Variants in SASH1 observed in about 807,000 individuals in gnomAD.
The protein encoded by SASH1 is SAM and SH3 domain-containing protein 1.
Under a neutral mutation model 125.2 loss-of-function variants are expected in SASH1, and 44 were observed. The observed-to-expected ratio is 0.35, with a 90% CI of 0.28 to 0.45. The LOEUF (loss-of-function observed/expected upper bound fraction) is 0.45. Among genes scored for constraint, SASH1 ranks in the 20% least tolerant of loss-of-function variants. The pLI is 1.00. For missense variants in SASH1, 1,426 were observed against 1,614.5 expected (o/e 0.88, Z 2.00); for synonymous variants, 639 against 649.1 (o/e 0.98, Z 0.24).
the SASH1 span, among the ~76,000 whole-genome samples, chr6:148,227,673 T>C: frequency 6.6e-6 from 1 of 152,168 alleles, no homozygotes. Flanking sequence ...GAAATATTTA[T>C]TGAATAAATG....
chr6:148,266,193 C>T, the SASH1 span, among the ~76,000 whole-genome samples: 2 of 152,108 alleles, frequency 1.3e-5, no homozygotes, highest in South Asian at 2.1e-4. Context: ...AGGCTGGTCT[C>T]GAACTCCTGA....
intron 7 of SASH1, among the ~76,000 whole-genome samples, chr6:148,477,944 G>A (rs374626035): frequency 1.3e-5 from 2 of 151,998 alleles, no homozygotes; most frequent in African/African-American, 4.8e-5. Context: ...TGATCCACCC[G>A]CCTCGGCCTC....
chr6:148,522,604 T>A (rs1780888671), intron 10 of SASH1, among the ~76,000 whole-genome samples: 2 of 152,250 alleles, frequency 1.3e-5, no homozygotes, highest in Admixed American at 1.3e-4. Flanking sequence ...CAGACATGCA[T>A]GACATTTTGC....
At chr6:148,492,403 G>A (rs764900581) in intron 8 of SASH1, among the ~76,000 whole-genome samples, 1 of 152,272 alleles carries the variant, frequency 6.6e-6, no homozygotes, top group South Asian at 2.1e-4. Context: ...ATTCATTTGG[G>A]AGACGTTTAT....
rs1193584548 is a variant in SASH1 at position 148,420,278 on chromosome 6, G to A, written c.286-19906G>A. On this transcript the variant is annotated intron_variant, in intron 2 of 19. Coordinates refer to ENST00000367467, the MANE Select transcript of SASH1 (RefSeq NM_015278.5). The stretch of plus-strand genomic sequence containing the variant: ...AGAAGGAATAACATTAAGAAAAACC[G>A]ATTTTAAGCAGAAACATTTTTGTTC... Among the ~76,000 whole-genome samples, 4 of 152,122 alleles carry A rather than the reference G, an allele frequency of 2.6e-5. No homozygotes were observed. The South Asian group carries it at 6.2e-4, about 24-fold the overall frequency.
the SASH1 span, among the ~76,000 whole-genome samples, chr6:148,196,520 G>A: frequency 6.6e-6 from 1 of 152,158 alleles, no homozygotes; most frequent in African/African-American, 2.4e-5. Flanking sequence ...CTCCTCCCAA[G>A]AGACCCCAGC....
chr6:148,418,739 C>T (rs1476821357), intron 2 of SASH1, among the ~76,000 whole-genome samples: 2 of 152,298 alleles, frequency 1.3e-5, no homozygotes, highest in Non-Finnish European at 2.9e-5. Context: ...GTACAGATAG[C>T]GTGGTGCAGT....
In SASH1 at chr6:148,544,130, C is replaced by T. The variant is rs1224847398; in HGVS notation, c.2660C>T (p.Ala887Val). 1 of 1,613,984 alleles carries T rather than the reference C, an allele frequency of 6.2e-7. No homozygotes were observed. The highest frequency in any genetic ancestry group is 1.3e-5 in the African/African-American group (1 of 74,910). ...TKAQPLEQDSAVDNALLLTQS... is the reference protein window; with the variant it reads ...TKAQPLEQDSVVDNALLLTQS... ...GCCCAGCCCCTGGAGCAAGACTCTG[C>T]TGTCGACAATGCATTGCTACTGACC... The change falls in exon 18 of 20, where the codon GCT (alanine) becomes GTT (valine). Residue 887 changes from alanine (A) to valine (V), a missense_variant. Physicochemically the swap from Ala to Val is moderately conservative, Grantham distance 64 (BLOSUM62 0). Coordinates refer to ENST00000367467, the MANE Select transcript of SASH1 (RefSeq NM_015278.5). This position sits in a 1 kb window ranked among gnomAD's most constrained non-coding sequence, Gnocchi z 6.4.
At chr6:148,229,275 C>T in the SASH1 span, among the ~76,000 whole-genome samples, 1 of 151,704 alleles carries the variant, frequency 6.6e-6, no homozygotes, top group Non-Finnish European at 1.5e-5. Flanking sequence ...GATAGAATTG[C>T]CCTGGCTTAA....
In SASH1 at chr6:148,548,930, C is replaced by T; in HGVS notation, c.*372C>T. The stretch of plus-strand genomic sequence containing the variant: ...TGTTCCATTTCTGATAGTGCCCTTG[C>T]TCTTCTGTCTGTCATCTTGCAGGAT... On this transcript the variant is annotated 3_prime_UTR_variant, in exon 20 of 20. Transcript: ENST00000367467. 5.4e-6 allele frequency: 1 copy of T among 185,690 alleles called. No homozygotes were observed. The highest frequency in any genetic ancestry group is 1.1e-5 in the Non-Finnish European group (1 of 89,054). 11.5% of individuals were successfully genotyped at this position (185,690 alleles called of 1,614,324 possible).
At chr6:148,528,562 A>T (rs1781328513) in intron 12 of SASH1, among the ~76,000 whole-genome samples, 1 of 152,208 alleles carries the variant, frequency 6.6e-6, no homozygotes. Context: ...CCTGCACAGC[A>T]GCTTCAGTTG....
At chr6:148,387,620 CTT>C (rs1239766899) in intron 1 of SASH1, among the ~76,000 whole-genome samples, 18 of 24,740 alleles carry the variant, frequency 7.3e-4, no homozygotes, top group African/African-American at 2.4e-3. Flanking sequence ...TTCTTTCTTT[CTT>C]TCTTTCTTTC....
upstream of SASH1, among the ~76,000 whole-genome samples, chr6:148,270,824 G>A (rs1418781529): frequency 6.6e-6 from 1 of 151,944 alleles, no homozygotes; most frequent in East Asian, 1.9e-4. Context: ...CCTGGGCAAT[G>A]GCATGTCCAA....
intron 1 of SASH1, among the ~76,000 whole-genome samples, chr6:148,374,946 C>T (rs1295849742): frequency 1.3e-5 from 2 of 152,158 alleles, no homozygotes; most frequent in African/African-American, 2.4e-5. Flanking sequence ...ATCTGCCTGC[C>T]TTGTCCTCCC....
At chr6:148,423,976 T>C (rs1775689213) in intron 2 of SASH1, among the ~76,000 whole-genome samples, 2 of 150,994 alleles carry the variant, frequency 1.3e-5, no homozygotes, top group Admixed American at 6.6e-5. Context: ...AGTGGAATTA[T>C]AGTAGTCGGT....
intron 1 of SASH1, among the ~76,000 whole-genome samples, chr6:148,319,022 CTTTTTT>C (rs10695657): frequency 0.049 from 3,225 of 66,066 alleles, 17 homozygotes; most frequent in South Asian, 0.075. Flanking sequence ...CATTTATCTT[CTTTTTT>C]TTTTTTTTTT....
the SASH1 span, among the ~76,000 whole-genome samples, chr6:148,212,274 G>A: frequency 6.6e-6 from 1 of 152,190 alleles, no homozygotes; most frequent in Non-Finnish European, 1.5e-5. Flanking sequence ...GAGCATGAAG[G>A]TAGGAGAAAT....
At chr6:148,347,464 A>G (rs1781557581) in intron 1 of SASH1, among the ~76,000 whole-genome samples, 2 of 152,178 alleles carry the variant, frequency 1.3e-5, no homozygotes, top group African/African-American at 4.8e-5. Flanking sequence ...ATCCTATCTT[A>G]CTATTTACTC....
At chr6:148,536,623 A>G (rs1468982486) in intron 16 of SASH1, among the ~76,000 whole-genome samples, 1 of 152,234 alleles carries the variant, frequency 6.6e-6, no homozygotes, top group Non-Finnish European at 1.5e-5. Context: ...TACAGGTGTG[A>G]GCCACTGCAT....
Sources: allele counts gnomAD v4.1 joint callset (sites outside exome capture counted in the v4.1 genomes callset), GRCh38; gene constraint gnomAD v4.1.1; non-coding constraint Gnocchi (gnomAD v3.1); transcripts MANE v1.5; gene names NCBI Gene and HGNC (gene_info 2026-07-23, HGNC 2026-07-21).